The following SFMBT1 variants were observed in gnomAD, a reference collection of about 807,000 sequenced individuals.
SFMBT1 encodes the protein scm-like with four MBT domains protein 1.
A neutral mutation model predicts 108.7 loss-of-function variants in SFMBT1; 32 were observed. That is an observed-to-expected ratio of 0.29 (90% CI 0.22 to 0.40). The LOEUF is 0.40. SFMBT1 is among the 10% of genes least tolerant of loss of function. The pLI, the probability that SFMBT1 is intolerant of heterozygous loss-of-function variation, is 1.00. For missense variants in SFMBT1, 816 were observed against 1,059.6 expected (o/e 0.77, Z 3.19); for synonymous variants, 348 against 369.5 (o/e 0.94, Z 0.67).
chr3:52,987,824 T>C (rs896097644), intron 1 of SFMBT1, among the ~76,000 whole-genome samples: 53 of 152,230 alleles, frequency 3.5e-4, no homozygotes, highest in Admixed American at 2.0e-4. Flanking sequence ...TAAAATCTTA[T>C]TCTAGTAGGG....
intron 15 of SFMBT1, 114 bp from the exon 16 acceptor site, chr3:52,912,761 C>A: frequency 1.3e-6 from 1 of 755,448 alleles, no homozygotes; most frequent in Non-Finnish European, 2.2e-6. Context: ...AAATTCTAGT[C>A]ATATGAATTA....
Position 52,969,193 on chromosome 3 carries a change from A to G in SFMBT1, c.-65T>C. ...AGGAAAGGCCTATGGTTCTGCTAGG[A>G]TCTGAAGATTACTTGCAGGTTTCAA... On this transcript the variant is annotated 5_prime_UTR_variant, in exon 2 of 21. Transcript: ENST00000394752. 1 of 1,600,926 alleles carries G rather than the reference A, an allele frequency of 6.2e-7. No individual in the cohort carries two copies. Among genetic ancestry groups the G allele is most frequent in the Non-Finnish European group, 8.5e-7 (1 of 1,176,252 alleles).
chr3:52,909,762 G>A (rs1702173081), intron 17 of SFMBT1, among the ~76,000 whole-genome samples: 1 of 152,204 alleles, frequency 6.6e-6, no homozygotes, highest in Non-Finnish European at 1.5e-5. Flanking sequence ...TCAGAATTTT[G>A]TCTTTGGGTG....
At chr3:52,991,342 CTTTTTTTTT>C (rs71087045) in intron 1 of SFMBT1, among the ~76,000 whole-genome samples, 2 of 91,214 alleles carry the variant, frequency 2.2e-5, no homozygotes, top group Non-Finnish European at 4.4e-5. Context: ...GCTGAAACTT[CTTTTTTTTT>C]TTTTTTTTTT....
chr3:53,045,519 G>A (rs1463092435), intron 1 of SFMBT1, among the ~76,000 whole-genome samples: 10 of 142,914 alleles, frequency 7.0e-5, no homozygotes, highest in African/African-American at 2.5e-4. Context: ...GGCCGCCGCC[G>A]CTCTCCGCCG....
At chr3:52,965,814 G>T (rs1213727285) in intron 2 of SFMBT1, among the ~76,000 whole-genome samples, 1 of 151,516 alleles carries the variant, frequency 6.6e-6, no homozygotes, top group Non-Finnish European at 1.5e-5. Flanking sequence ...CGACCATCCT[G>T]GCTAACACGG....
intron 14 of SFMBT1, among the ~76,000 whole-genome samples, chr3:52,914,554 C>T (rs1371123980): frequency 6.6e-6 from 1 of 151,922 alleles, no homozygotes; most frequent in Non-Finnish European, 1.5e-5. Flanking sequence ...AGTGAAGCCC[C>T]ATCTCTACAA....
chr3:52,907,599 G>A lies in SFMBT1; in HGVS notation c.2041C>T (p.Arg681Cys), dbSNP rs963068945. ...RKNVFVHKKK[R>C]SSASVDNTPA... ...GTATTATCAACAGATGCAGAGGAGC[G>A]TTTCTTCTTATGAACAAAAACATTT... Residue 681 changes from arginine (R) to cysteine (C), a missense_variant, in exon 18 of 21, where the codon CGC becomes TGC. Physicochemically the swap from Arg to Cys is radical, Grantham distance 180 (BLOSUM62 -3). This residue lies in a region of SFMBT1 where 177 missense variants were observed against 182.0 expected (regional missense o/e 0.97). Coordinates refer to ENST00000394752, the MANE Select transcript of SFMBT1 (RefSeq NM_016329.4). 43 of 1,613,962 alleles carry A rather than the reference G, an allele frequency of 2.7e-5. No individual in the cohort carries two copies. Among genetic ancestry groups the A allele is most frequent in the Non-Finnish European group, 3.2e-5 (38 of 1,180,008 alleles).
At chr3:52,910,142 C>T (rs1230760406) in intron 17 of SFMBT1, among the ~76,000 whole-genome samples, 1 of 152,098 alleles carries the variant, frequency 6.6e-6, no homozygotes, top group Admixed American at 6.5e-5. Flanking sequence ...TTTGCTTGCC[C>T]ACCTTGCTTC....
At chr3:52,968,385 T>C (rs569691141) in intron 2 of SFMBT1, among the ~76,000 whole-genome samples, 1 of 152,310 alleles carries the variant, frequency 6.6e-6, no homozygotes, top group African/African-American at 2.4e-5. Flanking sequence ...CAAAATGACA[T>C]AGAATTGCAC....
intron 1 of SFMBT1, among the ~76,000 whole-genome samples, chr3:53,019,845 T>C (rs1699245795): frequency 6.6e-6 from 1 of 152,118 alleles, no homozygotes; most frequent in Non-Finnish European, 1.5e-5. Flanking sequence ...ACTGACTAAA[T>C]AGTAAAATCA....
In SFMBT1 at chr3:53,013,615, C is replaced by CTT. The variant is rs397989629; in HGVS notation, c.-131+32199_-131+32200dup. Among the ~76,000 whole-genome samples, 137 of 58,104 alleles carry CTT rather than the reference C, an allele frequency of 2.4e-3. 10 individuals are homozygous for CTT. The highest frequency in any genetic ancestry group is 4.5e-3 in the African/African-American group (53 of 11,894). The allele number at this position is 58,104 out of a possible 152,430, so 38.1% of individuals were successfully genotyped here. ...GGAACACAGTTTATTTATAAAGAATCTTTTTTTTTTTTTTTTTTTTTTTTT... is the reference window on the plus strand; with the variant it reads ...GGAACACAGTTTATTTATAAAGAATCTTTTTTTTTTTTTTTTTTTTTTTTTTT... On this transcript the variant is annotated intron_variant, in intron 1 of 20. Coordinates refer to ENST00000394752, the MANE Select transcript of SFMBT1 (RefSeq NM_016329.4).
At chr3:52,956,182 C>T (rs754165656) in intron 2 of SFMBT1, among the ~76,000 whole-genome samples, 2 of 152,216 alleles carry the variant, frequency 1.3e-5, no homozygotes, top group East Asian at 3.9e-4. Context: ...TCTCAGTAGG[C>T]TGGGCGTGGT....
intron 1 of SFMBT1, among the ~76,000 whole-genome samples, chr3:53,004,189 C>T (rs1698655918): frequency 6.7e-6 from 1 of 148,948 alleles, no homozygotes; most frequent in Admixed American, 6.8e-5. Flanking sequence ...GCATTTCCTT[C>T]CTTCCTTCCT....
rs752089887 is a variant in SFMBT1 at position 52,912,651 on chromosome 3, A to G, written c.1621-4T>C. On this transcript the variant is annotated splice_polypyrimidine_tract_variant and splice_region_variant and intron_variant, in intron 15 of 20. Coordinates refer to ENST00000394752, the MANE Select transcript of SFMBT1 (RefSeq NM_016329.4). ...CATTGATAAGTAAAGTGAGGACCTG[A>G]GCTCAGTTTTAAAGCAGAAACACAG... 21 of 1,609,322 alleles carry G rather than the reference A, an allele frequency of 1.3e-5. No homozygotes were observed. Among genetic ancestry groups the G allele is most frequent in the Non-Finnish European group, 1.7e-5 (20 of 1,176,130 alleles).
intron 2 of SFMBT1, among the ~76,000 whole-genome samples, chr3:52,962,808 C>A (rs76611975): frequency 0.015 from 1,512 of 101,254 alleles, no homozygotes; most frequent in Middle Eastern, 0.018. Flanking sequence ...CTCCCTGTCT[C>A]AAAAAAAAAA....
chr3:53,032,044 C>T (rs909401893), intron 1 of SFMBT1, among the ~76,000 whole-genome samples: 34 of 152,166 alleles, frequency 2.2e-4, no homozygotes, highest in Non-Finnish European at 3.7e-4. Context: ...GCTGAACCCT[C>T]CATGATCAAA....
chr3:53,006,777 C>T (rs937475760), intron 1 of SFMBT1, among the ~76,000 whole-genome samples: 1 of 152,208 alleles, frequency 6.6e-6, no homozygotes, highest in Non-Finnish European at 1.5e-5. Context: ...GACTGTACTT[C>T]ATTTATGTAA....
At chr3:52,980,482 G>A (rs540458113) in intron 1 of SFMBT1, among the ~76,000 whole-genome samples, 10 of 152,124 alleles carry the variant, frequency 6.6e-5, no homozygotes, top group African/African-American at 2.2e-4. Context: ...TAATAACACC[G>A]TAAGACCCAT....
Sources: gnomAD v4.1 joint callset for allele counts (sites outside exome capture counted in the v4.1 genomes callset) on GRCh38, gnomAD v4.1.1 for gene constraint, gnomAD v4.1.1 regional missense constraint, MANE v1.5 for transcripts, NCBI Gene and HGNC (gene_info 2026-07-23, HGNC 2026-07-21) for gene names.